B4GALT7: variants seen among roughly 807,000 people sequenced by gnomAD.
The protein encoded by B4GALT7 is beta-1,4-galactosyltransferase 7, also known as UDP-Gal:beta-GlcNAc beta-1,4-galactosyltransferase 7.
In B4GALT7, 30 loss-of-function variants were observed where a neutral mutation model predicts 33.0. The observed-to-expected ratio is 0.91, with a 90% CI of 0.68 to 1.23. The LOEUF (loss-of-function observed/expected upper bound fraction) is 1.23. B4GALT7 is among the 50% of genes most tolerant of loss of function. The probability of loss-of-function intolerance (pLI) is 0.00; values close to 1 mark genes in which losing one functional copy is unlikely to be tolerated. For missense variants in B4GALT7, 507 were observed against 450.8 expected, an observed-to-expected ratio of 1.12 and a Z score of -1.13; for synonymous variants, 213 against 187.2, an observed-to-expected ratio of 1.14 and a Z score of -1.13.
At position 177,609,633 on chromosome 5, in the gene B4GALT7, A is replaced by G. The variant is rs1447784667; in HGVS notation, c.922A>G (p.Thr308Ala). 18 of 1,613,888 alleles carry G rather than the reference A, an allele frequency of 1.1e-5. No homozygotes were observed. Among genetic ancestry groups the G allele is most frequent in the Admixed American group, 3.3e-5 (2 of 60,016 alleles). ...TALSVGGAPCTVLNIMLDCDK... is the reference protein window; with the variant it reads ...TALSVGGAPCAVLNIMLDCDK... ...CCTGTCTGTGGGCGGGGCCCCCTGC[A>G]CTGTCCTCAACATCATGTTGGACTG... The change falls in exon 6 of 6, where the codon ACT becomes GCT. Residue 308 changes from threonine (T) to alanine (A), a missense_variant. Thr to Ala is a moderately conservative substitution (Grantham distance 58). Transcript: ENST00000029410.
At position 177,606,967 on chromosome 5, in the gene B4GALT7, C is replaced by T. The variant is rs543518339; in HGVS notation, c.414-335C>T. The T allele has an allele frequency of 4.4e-5, 18 of 406,570 alleles. No homozygotes were observed. Among genetic ancestry groups the T allele is most frequent in the South Asian group, 3.4e-4 (16 of 47,252 alleles). The allele number at this position is 406,570 out of a possible 1,614,324, so 25.2% of individuals were successfully genotyped here. On this transcript the variant is annotated intron_variant, in intron 2 of 5. Transcript: ENST00000029410. This position sits in a 1 kb window ranked among gnomAD's most constrained non-coding sequence, Gnocchi z 4.2. Reference sequence around the variant, plus strand: ...GAGCCACCTCCACCCCCAGCAAGATCGCCCTCCTTGCCTGCTTTGCTTTTC... The same window carrying T: ...GAGCCACCTCCACCCCCAGCAAGATTGCCCTCCTTGCCTGCTTTGCTTTTC...
At chr5:177,607,197 G>T in intron 2 of B4GALT7, 105 bp from the exon 3 acceptor site, 1 of 939,078 alleles carries the variant, frequency 1.1e-6, no homozygotes, top group South Asian at 1.4e-5. Flanking sequence ...AGTCAGTGCT[G>T]GGCCAGAGGG....
intron 1 of B4GALT7, chr5:177,603,370 TTC>T (rs1370627224): frequency 3.0e-6 from 3 of 985,174 alleles, no homozygotes; most frequent in Non-Finnish European, 3.6e-6. Flanking sequence ...ATCTGGTGAA[TTC>T]TGTTTCTTTG....
Position 177,609,982 on chromosome 5 carries a change from C to A in B4GALT7, c.*287C>A, listed in dbSNP as rs1768134325. 2 of 486,216 alleles carry A rather than the reference C, an allele frequency of 4.1e-6. No individual in the cohort carries two copies. The highest frequency in any genetic ancestry group is 3.8e-6 in the Non-Finnish European group (1 of 263,690). 30.1% of individuals were successfully genotyped at this position (486,216 alleles called of 1,614,324 possible). A position where few individuals can be genotyped will look rare whatever the true frequency, so the allele number is the denominator to read the frequency against. On this transcript the variant is annotated 3_prime_UTR_variant, in exon 6 of 6. Coordinates refer to ENST00000029410, the MANE Select transcript of B4GALT7 (RefSeq NM_007255.3). ...GCTCACCCTACTCTGACCTCCTTCA[C>A]GTGCCCAGGCCTGTGGGTAGTGGGG... is the stretch of plus-strand genomic sequence containing the variant.
Position 177,608,693 on chromosome 5 carries a change from G to T in B4GALT7, c.723+71G>T. On this transcript the variant is annotated intron_variant, in intron 4 of 5. Coordinates refer to ENST00000029410, the MANE Select transcript of B4GALT7 (RefSeq NM_007255.3). The surrounding 1 kb of genome is among the most constrained non-coding windows in gnomAD (Gnocchi z 4.1). ...CCTGAGATTTTCTTCTGTTTCCTCAGATGAAGCTCCTGGGGTCTGGAGATG... is the reference window on the plus strand; with the variant it reads ...CCTGAGATTTTCTTCTGTTTCCTCATATGAAGCTCCTGGGGTCTGGAGATG... 6.9e-7 allele frequency: 1 copy of T among 1,455,250 alleles called. No individual in the cohort carries two copies. The highest frequency in any genetic ancestry group is 1.4e-5 in the African/African-American group (1 of 71,872). 90.1% of individuals were successfully genotyped at this position (1,455,250 alleles called of 1,614,324 possible).
chr5:177,602,761 G>C (rs1458218470), intron 1 of B4GALT7: 14 of 923,156 alleles, frequency 1.5e-5, no homozygotes, highest in Non-Finnish European at 1.8e-5. Context: ...TCAGGCCAAA[G>C]GGCTTGGCCT....
Position 177,608,453 on chromosome 5 carries a change from GAGA to G in B4GALT7, c.640-85_640-83del. On this transcript the variant is annotated intron_variant, in intron 3 of 5. Transcript: ENST00000029410. The surrounding 1 kb of genome is among the most constrained non-coding windows in gnomAD (Gnocchi z 4.1). ...CGGGGCTTATTCAGAGGCGCTGGGG[GAGA>G]GGGGCACTCCCGAGCGGTAGGAGAC... 1 of 1,243,624 alleles carries G rather than the reference GAGA, an allele frequency of 8.0e-7. No individual in the cohort carries two copies. The highest frequency in any genetic ancestry group is 1.2e-5 in the South Asian group (1 of 83,206). The allele number at this position is 1,243,624 out of a possible 1,614,324, so 77.0% of individuals were successfully genotyped here.
chr5:177,609,085 C>A, intron 5 of B4GALT7, 71 bp downstream of exon 5: 2 of 1,395,156 alleles, frequency 1.4e-6, no homozygotes, highest in Non-Finnish European at 2.0e-6. Flanking sequence ...GGGCTTTCAC[C>A]AAGTTCTCCT....
chr5:177,607,546 G>C lies in B4GALT7; in HGVS notation c.639+19G>C. The C allele has an allele frequency of 6.2e-7, 1 of 1,604,234 alleles. No individual in the cohort carries two copies. Among genetic ancestry groups the C allele is most frequent in the Middle Eastern group, 1.7e-4 (1 of 6,050 alleles). The stretch of plus-strand genomic sequence containing the variant: ...CCGGCTGGTGAGGCCCGGACAGCCT[G>C]CTCTGCTCAGAGCCGGGAGCTCCCT... On this transcript the variant is annotated intron_variant, in intron 3 of 5. Coordinates refer to ENST00000029410, the MANE Select transcript of B4GALT7 (RefSeq NM_007255.3).
rs747688432 is a variant in B4GALT7 at position 177,604,262 on chromosome 5, C to T, written c.134C>T (p.Ser45Phe). 8 of 1,613,428 alleles carry T rather than the reference C, an allele frequency of 5.0e-6. No homozygotes were observed. The highest frequency in any genetic ancestry group is 3.3e-5 in the Admixed American group (2 of 59,954). ...GCCTGCCTCTCGCTGGGCTTCTTCT[C>T]CCTACTCTGGCTGCAGCTCAGCTGC... Reference protein sequence around the residue: ...FVACLSLGFFSLLWLQLSCSG... With the variant: ...FVACLSLGFFFLLWLQLSCSG... The change falls in exon 2 of 6, where the codon TCC becomes TTC. Residue 45 changes from serine to phenylalanine, a missense_variant. Physicochemically the swap from Ser to Phe is radical, Grantham distance 155. Coordinates refer to ENST00000029410, the MANE Select transcript of B4GALT7 (RefSeq NM_007255.3).
intron 1 of B4GALT7, among the ~76,000 whole-genome samples, chr5:177,601,043 A>G (rs1179757612): frequency 6.6e-6 from 1 of 152,156 alleles, no homozygotes; most frequent in Non-Finnish European, 1.5e-5. Flanking sequence ...AAGTCTTCTC[A>G]CAGAACACAT....
Position 177,604,244 on chromosome 5 carries a change from T to A in B4GALT7, c.116T>A (p.Leu39His), listed in dbSNP as rs1303207740. ...GTCTTCCACCTGTTCGTGGCCTGCC[T>A]CTCGCTGGGCTTCTTCTCCCTACTC... ...CSVFHLFVAC[L>H]SLGFFSLLWL... Residue 39 changes from leucine to histidine, a missense_variant, in exon 2 of 6, where the codon CTC becomes CAC. Transcript: ENST00000029410. The A allele has an allele frequency of 6.2e-7, 1 of 1,613,682 alleles. No individual in the cohort carries two copies. The highest frequency in any genetic ancestry group is 1.1e-5 in the South Asian group (1 of 91,058).
Position 177,608,573 on chromosome 5 carries a change from G to T in B4GALT7, c.674G>T (p.Gly225Val), listed in dbSNP as rs773298306. The T allele has an allele frequency of 3.1e-6, 5 of 1,614,070 alleles. No homozygotes were observed. The highest frequency in any genetic ancestry group is 1.1e-5 in the South Asian group (1 of 91,090). ...ATGTCCAACCGCTTCTGGGGCTGGG[G>T]CCGCGAGGACGACGAGTTCTACCGG... The part of the protein sequence containing the change: ...NGMSNRFWGW[G>V]REDDEFYRRI... Residue 225 changes from glycine to valine, a missense_variant, in exon 4 of 6, where the codon GGC becomes GTC. By Grantham distance (109) the Gly-to-Val change is moderately radical. Coordinates refer to ENST00000029410, the MANE Select transcript of B4GALT7 (RefSeq NM_007255.3). This position sits in a 1 kb window ranked among gnomAD's most constrained non-coding sequence, Gnocchi z 4.1.
chr5:177,601,625 G>A (rs1179918578), intron 1 of B4GALT7: 1 of 152,240 alleles, frequency 6.6e-6, no homozygotes, highest in Non-Finnish European at 1.5e-5. Flanking sequence ...ACTGATGCAG[G>A]CTAGTGTAGC....
At chr5:177,604,588 C>G in intron 2 of B4GALT7, 47 bp downstream of exon 2, 1 of 1,611,826 alleles carries the variant, frequency 6.2e-7, no homozygotes, top group Non-Finnish European at 8.5e-7. Flanking sequence ...TGCCCGGGCT[C>G]AGGCTTCTCA....
chr5:177,602,492 C>T (rs532824047), intron 1 of B4GALT7, among the ~76,000 whole-genome samples: 10 of 152,128 alleles, frequency 6.6e-5, no homozygotes, highest in East Asian at 3.9e-4. Context: ...GGGAAGATGC[C>T]GTGGGAATAC....
At chr5:177,603,907 G>C (rs1219977542) in intron 1 of B4GALT7, among the ~76,000 whole-genome samples, 1 of 152,176 alleles carries the variant, frequency 6.6e-6, no homozygotes, top group African/African-American at 2.4e-5. Context: ...GAAAGTAAGA[G>C]AGCATTGAGG....
rs995898256 is a variant in B4GALT7, at chr5:177,606,934, G to A, written c.414-368G>A. On this transcript the variant is annotated intron_variant, in intron 2 of 5. Transcript: ENST00000029410. This position sits in a 1 kb window ranked among gnomAD's most constrained non-coding sequence, Gnocchi z 4.2. ...CCTGGCCCTCCCTGACGGCCCCACC[G>A]AGGACAAGAGCCACCTCCACCCCCA... 1.0e-4 allele frequency: 38 copies of A among 368,120 alleles called. No homozygotes were observed. The highest frequency in any genetic ancestry group is 4.9e-4 in the South Asian group (22 of 45,100). The allele number at this position is 368,120 out of a possible 1,614,324, so 22.8% of individuals were successfully genotyped here. A position where few individuals can be genotyped will look rare whatever the true frequency, so the allele number is the denominator to read the frequency against.
chr5:177,603,269 G>A, intron 1 of B4GALT7: 3 of 985,300 alleles, frequency 3.0e-6, no homozygotes, highest in South Asian at 4.7e-5. Flanking sequence ...TGGGGAGAAG[G>A]TAGGGGGAGT....
Sources: allele counts gnomAD v4.1 joint callset (sites outside exome capture counted in the v4.1 genomes callset), GRCh38; gene constraint gnomAD v4.1.1; non-coding constraint Gnocchi (gnomAD v3.1); transcripts MANE v1.5; gene names NCBI Gene and HGNC (gene_info 2026-07-23, HGNC 2026-07-21).